AGMO: variants seen among roughly 807,000 people sequenced by gnomAD.
AGMO encodes the protein alkylglycerol monooxygenase, also known as glyceryl-ether monooxygenase.
Under a neutral mutation model 60.2 loss-of-function variants are expected in AGMO, and 75 were observed. The ratio of observed to expected loss-of-function variants is 1.25; its 90% CI spans 1.03 to 1.51. AGMO has a LOEUF of 1.51. Among genes scored for constraint, AGMO ranks in the 40% most tolerant of loss-of-function variants. AGMO has a pLI of 0.00. For missense variants in AGMO, 763 were observed against 525.5 expected (o/e 1.45, Z -4.42); for synonymous variants, 261 against 177.1 (o/e 1.47, Z -3.76).
chr7:15,145,183 T>C, the AGMO span, among the ~76,000 whole-genome samples: 1 of 152,168 alleles, frequency 6.6e-6, no homozygotes, highest in Non-Finnish European at 1.5e-5. Context: ...TATTGCCCTA[T>C]ACTTTTGAAA....
At chr7:15,309,165 T>G (rs1257413083) in intron 12 of AGMO, among the ~76,000 whole-genome samples, 1 of 152,112 alleles carries the variant, frequency 6.6e-6, no homozygotes, top group Admixed American at 6.6e-5. Flanking sequence ...AGACAAGCCC[T>G]GCTAAAAATC....
At chr7:15,353,456 T>C (rs545611658) in intron 12 of AGMO, among the ~76,000 whole-genome samples, 3 of 152,314 alleles carry the variant, frequency 2.0e-5, no homozygotes, top group African/African-American at 4.8e-5. Context: ...TGTTTGCTCT[T>C]AGTTGATCTA....
chr7:15,171,290 G>A, the AGMO span, among the ~76,000 whole-genome samples: 4 of 152,088 alleles, frequency 2.6e-5, no homozygotes, highest in Non-Finnish European at 4.4e-5. Context: ...CTTGGGTTAC[G>A]GTTTATGGCA....
At chr7:15,382,031 G>A (rs1393232636) in intron 10 of AGMO, among the ~76,000 whole-genome samples, 1 of 152,066 alleles carries the variant, frequency 6.6e-6, no homozygotes, top group African/African-American at 2.4e-5. Context: ...GGAGGGTGGA[G>A]GGTGGGAGGA....
At chr7:15,389,310 C>CTT (rs1784047989) in intron 8 of AGMO, among the ~76,000 whole-genome samples, 1 of 129,024 alleles carries the variant, frequency 7.8e-6, no homozygotes, top group African/African-American at 3.0e-5. Flanking sequence ...GAAGGTGTCT[C>CTT]TTTTTTAATG....
chr7:15,295,289 A>G (rs1784378880), intron 12 of AGMO, among the ~76,000 whole-genome samples: 1 of 152,030 alleles, frequency 6.6e-6, no homozygotes, highest in Non-Finnish European at 1.5e-5. Context: ...AAATGTATCT[A>G]TTTATTTCTT....
At chr7:15,404,480 TA>T (rs1238671060) in intron 5 of AGMO, among the ~76,000 whole-genome samples, 4 of 151,726 alleles carry the variant, frequency 2.6e-5, no homozygotes, top group Admixed American at 6.6e-5. Context: ...CAACACGGAG[TA>T]GATTTACAGA....
At chr7:15,209,198 A>G (rs1563035624) in intron 12 of AGMO, among the ~76,000 whole-genome samples, 3 of 152,288 alleles carry the variant, frequency 2.0e-5, no homozygotes, top group South Asian at 2.1e-4. Context: ...TGACATAAAT[A>G]AAGAGTCTAA....
chr7:15,366,997 A>G (rs1050802623), intron 10 of AGMO, among the ~76,000 whole-genome samples: 1 of 152,054 alleles, frequency 6.6e-6, no homozygotes, highest in African/African-American at 2.4e-5. Flanking sequence ...AGATACTAGA[A>G]TTCTAATTTA....
intron 12 of AGMO, among the ~76,000 whole-genome samples, chr7:15,267,833 T>A (rs569907464): frequency 1.3e-5 from 2 of 152,070 alleles, no homozygotes; most frequent in Admixed American, 1.3e-4. Flanking sequence ...AGCAGAGTAT[T>A]TCAAGATATT....
chr7:15,528,124 C>T (rs1355651685), intron 3 of AGMO, among the ~76,000 whole-genome samples: 1 of 152,038 alleles, frequency 6.6e-6, no homozygotes, highest in Non-Finnish European at 1.5e-5. Context: ...TGTAAGGCTA[C>T]CATTGCCATA....
intron 12 of AGMO, among the ~76,000 whole-genome samples, chr7:15,322,687 A>AAT (rs1278810744): frequency 1.3e-5 from 1 of 76,972 alleles, no homozygotes; most frequent in African/African-American, 8.2e-5. Context: ...TGTATATATA[A>AAT]ATATATGAAT....
At chr7:15,506,736 T>C (rs1783521250) in intron 3 of AGMO, among the ~76,000 whole-genome samples, 1 of 151,868 alleles carries the variant, frequency 6.6e-6, no homozygotes, top group African/African-American at 2.4e-5. Context: ...AATGGAAGAT[T>C]CAGATAAAAG....
chr7:15,327,808 G>A (rs980405926), intron 12 of AGMO, among the ~76,000 whole-genome samples: 6 of 146,796 alleles, frequency 4.1e-5, no homozygotes, highest in Non-Finnish European at 7.4e-5. Flanking sequence ...CAGGCTAGAG[G>A]GCAGTGGCTA....
the AGMO span, among the ~76,000 whole-genome samples, chr7:15,128,044 T>C: frequency 4.6e-5 from 7 of 152,068 alleles, no homozygotes; most frequent in African/African-American, 1.7e-4. Context: ...AACCACAAGG[T>C]TCATATTGAA....
rs1164685199 is a variant in AGMO, at chr7:15,322,715, A to AATATAT, written c.1263+42793_1263+42798dup. 8.2e-4 allele frequency among the ~76,000 whole-genome samples: 39 copies of AATATAT among 47,440 alleles called. 4 individuals are homozygous for AATATAT. Among genetic ancestry groups the AATATAT allele is most frequent in the African/African-American group, 3.6e-3 (33 of 9,098 alleles). 31.1% of individuals were successfully genotyped at this position (47,440 alleles called of 152,430 possible). A position where few individuals can be genotyped will look rare whatever the true frequency, so the allele number is the denominator to read the frequency against. ...ATATGAATATGTATAAATATATATAAATATATAAATATATATATAAATATA... is the reference window on the plus strand; with the variant it reads ...ATATGAATATGTATAAATATATATAAATATATATATATAAATATATATATAAATATA... On this transcript the variant is annotated intron_variant, in intron 12 of 12. Transcript: ENST00000342526.
At chr7:15,440,265 A>G (rs1213787731) in intron 3 of AGMO, among the ~76,000 whole-genome samples, 1 of 152,194 alleles carries the variant, frequency 6.6e-6, no homozygotes, top group African/African-American at 2.4e-5. Flanking sequence ...TTTTGTTGAG[A>G]AAAGGTGCTT....
chr7:15,530,457 CTATATATATATT>C (rs1784276482), intron 3 of AGMO, among the ~76,000 whole-genome samples: 1 of 106,490 alleles, frequency 9.4e-6, no homozygotes, highest in African/African-American at 3.7e-5. Flanking sequence ...ATACGTATTT[CTATATATATATT>C]CTATATACGT....
intron 12 of AGMO, among the ~76,000 whole-genome samples, chr7:15,210,765 G>T (rs1489914384): frequency 6.6e-6 from 1 of 151,808 alleles, no homozygotes; most frequent in Non-Finnish European, 1.5e-5. Context: ...TATGTCTATT[G>T]TTTCTGTGAT....
Sources: allele counts gnomAD v4.1 joint callset (sites outside exome capture counted in the v4.1 genomes callset), GRCh38; gene constraint gnomAD v4.1.1; transcripts MANE v1.5; gene names NCBI Gene and HGNC (gene_info 2026-07-23, HGNC 2026-07-21).